The following PRR16 variants were observed in gnomAD, a reference collection of about 807,000 sequenced individuals.
PRR16 encodes proline rich 16.
In PRR16, 6 loss-of-function variants were observed where a neutral mutation model predicts 18.2. The observed-to-expected ratio is 0.33, with a 90% CI of 0.18 to 0.65. The LOEUF is 0.65. PRR16 is among the 30% of genes least tolerant of loss of function. PRR16 has a pLI of 0.74. For synonymous variants in PRR16, 151 were observed against 147.8 expected (o/e 1.02, Z -0.16); for missense variants, 412 against 376.6 (o/e 1.09, Z -0.78).
At chr5:120,718,253 A>G in the PRR16 span, among the ~76,000 whole-genome samples, 7 of 152,232 alleles carry the variant, frequency 4.6e-5, no homozygotes, top group South Asian at 1.0e-3. Context: ...GAAAAAATCT[A>G]TGTCATATAG....
At chr5:120,514,310 T>A (rs1431156687) in intron 1 of PRR16, among the ~76,000 whole-genome samples, 1 of 152,148 alleles carries the variant, frequency 6.6e-6, no homozygotes, top group African/African-American at 2.4e-5. Flanking sequence ...ATTGTCTTGA[T>A]GAATAGAACG....
the PRR16 span, among the ~76,000 whole-genome samples, chr5:120,712,904 G>C: frequency 6.6e-6 from 1 of 152,056 alleles, no homozygotes; most frequent in Non-Finnish European, 1.5e-5. Flanking sequence ...CATTATTGGA[G>C]ACAATATAGA....
intron 1 of PRR16, among the ~76,000 whole-genome samples, chr5:120,508,895 G>T (rs1750730943): frequency 6.6e-6 from 1 of 151,996 alleles, no homozygotes; most frequent in Non-Finnish European, 1.5e-5. Context: ...GGCTATCATT[G>T]TCTGAAAATA....
intron 1 of PRR16, among the ~76,000 whole-genome samples, chr5:120,516,165 C>A (rs1029287135): frequency 7.2e-5 from 11 of 151,886 alleles, no homozygotes; most frequent in African/African-American, 2.7e-4. Flanking sequence ...GGTTTATGCC[C>A]GTAATCTCAG....
Position 120,541,034 on chromosome 5 carries a change from A to G in PRR16, c.159+76389A>G, listed in dbSNP as rs76931343. On this transcript the variant is annotated intron_variant, in intron 1 of 1. Transcript: ENST00000407149. Reference sequence around the variant, plus strand: ...ATACACACATACATGTATTTTATAAAGAGATTCTTTAGAGGTCTTATAATT... The same window carrying G: ...ATACACACATACATGTATTTTATAAGGAGATTCTTTAGAGGTCTTATAATT... Among the ~76,000 whole-genome samples the G allele has an allele frequency of 5.9e-3, 900 of 152,312 alleles. 6 individuals carry two copies. Among genetic ancestry groups the G allele is most frequent in the African/African-American group, 8.4e-3 (347 of 41,544 alleles).
rs577901937 is a variant in PRR16 at position 120,649,648 on chromosome 5, A to G, written c.160-36306A>G. Among the ~76,000 whole-genome samples, 5 of 152,300 alleles carry G rather than the reference A, an allele frequency of 3.3e-5. No homozygotes were observed. The East Asian group carries it at 7.7e-4, about 24-fold the overall frequency. Reference sequence around the variant, plus strand: ...GGGAGTACATTTTATAATTTGCAATATAATATGGGAAAAATCTACCATGTT... The same window carrying G: ...GGGAGTACATTTTATAATTTGCAATGTAATATGGGAAAAATCTACCATGTT... On this transcript the variant is annotated intron_variant, in intron 1 of 1. Coordinates refer to ENST00000407149, the MANE Select transcript of PRR16 (RefSeq NM_001300783.2).
chr5:120,500,876 T>A (rs1239515056), intron 1 of PRR16, among the ~76,000 whole-genome samples: 1 of 152,080 alleles, frequency 6.6e-6, no homozygotes, highest in Non-Finnish European at 1.5e-5. Flanking sequence ...ATCCTATAAA[T>A]TTTATGTTTT....
chr5:120,771,734 C>G, the PRR16 span, among the ~76,000 whole-genome samples: 3 of 151,968 alleles, frequency 2.0e-5, no homozygotes, highest in African/African-American at 7.2e-5. Context: ...TGAACCGTAC[C>G]AACTCAGCAC....
intron 1 of PRR16, among the ~76,000 whole-genome samples, chr5:120,619,563 G>A (rs541871961): frequency 7.2e-5 from 11 of 151,970 alleles, no homozygotes; most frequent in Non-Finnish European, 1.5e-4. Context: ...CACTCAAAAT[G>A]GTTTGTTGCT....
At chr5:120,749,126 A>G in the PRR16 span, among the ~76,000 whole-genome samples, 8 of 152,258 alleles carry the variant, frequency 5.3e-5, no homozygotes, top group Non-Finnish European at 7.4e-5. Flanking sequence ...TATAATGCAT[A>G]TATCTATAAA....
intron 1 of PRR16, among the ~76,000 whole-genome samples, chr5:120,659,214 G>C (rs1012807687): frequency 2.0e-5 from 3 of 151,870 alleles, no homozygotes; most frequent in African/African-American, 7.2e-5. Context: ...GTTTTTCAAA[G>C]ACCATCCTTT....
chr5:120,704,633 C>G, the PRR16 span, among the ~76,000 whole-genome samples: 1 of 152,136 alleles, frequency 6.6e-6, no homozygotes, highest in African/African-American at 2.4e-5. Context: ...ACATCAGAAT[C>G]ACTTGGGAAG....
chr5:120,751,140 G>A, the PRR16 span, among the ~76,000 whole-genome samples: 5 of 152,122 alleles, frequency 3.3e-5, no homozygotes, highest in East Asian at 1.9e-4. Flanking sequence ...TTTTATGGCT[G>A]AGTAGTATTC....
At chr5:120,716,128 T>TA in the PRR16 span, among the ~76,000 whole-genome samples, 4 of 152,182 alleles carry the variant, frequency 2.6e-5, no homozygotes, top group African/African-American at 4.8e-5. Flanking sequence ...ATGTTCTCAC[T>TA]AAATCATTTT....
intron 1 of PRR16, among the ~76,000 whole-genome samples, chr5:120,538,476 A>C (rs1751800647): frequency 6.6e-6 from 1 of 152,210 alleles, no homozygotes; most frequent in African/African-American, 2.4e-5. Flanking sequence ...CATGTAATTC[A>C]ATTTATTGGA....
intron 1 of PRR16, among the ~76,000 whole-genome samples, chr5:120,638,545 T>C (rs1337460651): frequency 1.3e-5 from 2 of 152,110 alleles, no homozygotes; most frequent in East Asian, 1.9e-4. Context: ...GATTCTATTA[T>C]AATCCCATTA....
intron 1 of PRR16, among the ~76,000 whole-genome samples, chr5:120,572,517 T>C (rs1377554219): frequency 6.6e-6 from 1 of 152,152 alleles, no homozygotes; most frequent in South Asian, 2.1e-4. Context: ...GAGTTGCCTG[T>C]TCCATTCCCA....
chr5:120,721,958 T>C, the PRR16 span, among the ~76,000 whole-genome samples: 8 of 152,184 alleles, frequency 5.3e-5, no homozygotes, highest in Non-Finnish European at 1.0e-4. Context: ...GGTATACACA[T>C]GCTTTGCTGC....
intron 1 of PRR16, among the ~76,000 whole-genome samples, chr5:120,654,008 A>G (rs1449142): frequency 0.43 from 65,301 of 151,852 alleles, 14,975 homozygotes; most frequent in East Asian, 0.86. Context: ...AGCTAGGCAA[A>G]TGACCACCCT....
Sources: allele counts gnomAD v4.1 joint callset (sites outside exome capture counted in the v4.1 genomes callset), GRCh38; gene constraint gnomAD v4.1.1; transcripts MANE v1.5; gene names NCBI Gene and HGNC (gene_info 2026-07-23, HGNC 2026-07-21).